The following MIGA2 variants were observed in gnomAD, a reference collection of about 807,000 sequenced individuals.
The protein encoded by MIGA2 is family with sequence similarity 73, member B.
A neutral mutation model predicts 69.9 loss-of-function variants in MIGA2; 36 were observed. That is an observed-to-expected ratio of 0.52 (90% CI 0.39 to 0.68). The LOEUF (loss-of-function observed/expected upper bound fraction) is 0.68, where lower values mean the gene tolerates loss of function less well. Ranked by LOEUF, MIGA2 falls within the 30% of genes least tolerant of loss-of-function variation. MIGA2 has a pLI of 0.00. For synonymous variants in MIGA2, 333 were observed against 349.2 expected (o/e 0.95, Z 0.52); for missense variants, 660 against 787.7 (o/e 0.84, Z 1.94).
In MIGA2 at chr9:129,069,144, G is replaced by T. The variant is rs1846525889; in HGVS notation, c.1458+15G>T. The T allele has an allele frequency of 6.2e-7, 1 of 1,613,628 alleles. No homozygotes were observed. The highest frequency in any genetic ancestry group is 1.3e-5 in the African/African-American group (1 of 74,918). ...GGCTGCTGATGGTGAGTGACTGGCA[G>T]GCCCGGGGGAGCACGAGCTGGGCTC... is the stretch of plus-strand genomic sequence containing the variant. On this transcript the variant is annotated intron_variant, in intron 14 of 15. Coordinates refer to ENST00000684074, the MANE Select transcript of MIGA2 (RefSeq NM_001329990.2). This position sits in a 1 kb window ranked among gnomAD's most constrained non-coding sequence, Gnocchi z 4.9.
Position 129,070,524 on chromosome 9 carries a change from G to C in MIGA2, c.*71G>C, listed in dbSNP as rs1846625088. ...TTCCCTGGGTTGGTATCTGACAGCT[G>C]TGGTGGCTGAGGGCCGTTGCCCCTG... On this transcript the variant is annotated 3_prime_UTR_variant, in exon 16 of 16. Coordinates refer to ENST00000684074, the MANE Select transcript of MIGA2 (RefSeq NM_001329990.2). 2.1e-6 allele frequency: 3 copies of C among 1,433,554 alleles called. No homozygotes were observed. The highest frequency in any genetic ancestry group is 5.0e-5 in the East Asian group (2 of 40,014). The allele number at this position is 1,433,554 out of a possible 1,614,324, so 88.8% of individuals were successfully genotyped here.
At chr9:129,041,560 C>G (rs1844907139) in intron 2 of MIGA2, among the ~76,000 whole-genome samples, 1 of 152,210 alleles carries the variant, frequency 6.6e-6, no homozygotes, top group Non-Finnish European at 1.5e-5. Flanking sequence ...GTCTTGAACT[C>G]TTGGGCTCAA....
At chr9:129,040,757 C>A in intron 2 of MIGA2, 67 bp downstream of exon 2, 1 of 1,435,762 alleles carries the variant, frequency 7.0e-7, no homozygotes, top group Non-Finnish European at 9.6e-7. Flanking sequence ...AGGGCTCCTC[C>A]GTGTCCAGGA....
intron 11 of MIGA2, among the ~76,000 whole-genome samples, chr9:129,066,763 T>C (rs1588415574): frequency 6.7e-6 from 1 of 149,074 alleles, no homozygotes; most frequent in South Asian, 2.1e-4. Flanking sequence ...TTCGAGACCA[T>C]CCTGGCTAAC....
rs1223900100 is a variant in MIGA2 at position 129,069,768 on chromosome 9, A to G, written c.1459-81A>G. 2 of 953,120 alleles carry G rather than the reference A, an allele frequency of 2.1e-6. No homozygotes were observed. Among genetic ancestry groups the G allele is most frequent in the Non-Finnish European group, 3.4e-6 (2 of 582,370 alleles). 59.0% of individuals were successfully genotyped at this position (953,120 alleles called of 1,614,324 possible). A position where few individuals can be genotyped will look rare whatever the true frequency, so the allele number is the denominator to read the frequency against. ...TGAGCTGGGGCGACCTCTAAAGCCC[A>G]GCCCTTTATGCGACACCTGGGCCTG... is the stretch of plus-strand genomic sequence containing the variant. On this transcript the variant is annotated intron_variant, in intron 14 of 15. Transcript: ENST00000684074. The surrounding 1 kb of genome is among the most constrained non-coding windows in gnomAD (Gnocchi z 4.9).
intron 3 of MIGA2, among the ~76,000 whole-genome samples, chr9:129,045,060 T>C (rs904027541): frequency 2.0e-5 from 3 of 147,072 alleles, no homozygotes; most frequent in Admixed American, 6.9e-5. Flanking sequence ...TAGTCGGGTG[T>C]GGTGGCAGGC....
In MIGA2 at chr9:129,063,233, C is replaced by T. The variant is rs745586856; in HGVS notation, c.1011-11C>T. 1 of 1,613,890 alleles carries T rather than the reference C, an allele frequency of 6.2e-7. No homozygotes were observed. Among genetic ancestry groups the T allele is most frequent in the East Asian group, 2.2e-5 (1 of 44,876 alleles). ...GACCAGGTTGTGTGACGCCGTCTGT[C>T]CTCCCCTCAGGACGGAGCTGCTGGG... is the stretch of plus-strand genomic sequence containing the variant. On this transcript the variant is annotated splice_polypyrimidine_tract_variant and intron_variant, in intron 9 of 15. Coordinates refer to ENST00000684074, the MANE Select transcript of MIGA2 (RefSeq NM_001329990.2).
chr9:129,058,803 A>G (rs970777152), intron 6 of MIGA2, among the ~76,000 whole-genome samples: 2 of 152,158 alleles, frequency 1.3e-5, no homozygotes, highest in Non-Finnish European at 2.9e-5. Context: ...TGGCAACCTA[A>G]GTCCACAGTT....
At chr9:129,046,954 T>C (rs1845258793) in intron 3 of MIGA2, among the ~76,000 whole-genome samples, 1 of 151,084 alleles carries the variant, frequency 6.6e-6, no homozygotes, top group Admixed American at 6.6e-5. Flanking sequence ...AATTTTTGTA[T>C]TTTTAGTAGT....
chr9:129,040,545 C>G lies in MIGA2; in HGVS notation c.-50C>G. ...GCTGGCAACCAGTTGAAGACGTTCT[C>G]CTTGGAAGCTCTTGGCCCTGAGGAC... On this transcript the variant is annotated 5_prime_UTR_variant, in exon 2 of 16. Coordinates refer to ENST00000684074, the MANE Select transcript of MIGA2 (RefSeq NM_001329990.2). The G allele has an allele frequency of 6.3e-7, 1 of 1,578,454 alleles. No homozygotes were observed. The highest frequency in any genetic ancestry group is 8.6e-7 in the Non-Finnish European group (1 of 1,157,400).
chr9:129,061,376 G>C lies in MIGA2; in HGVS notation c.1010+30G>C. On this transcript the variant is annotated intron_variant, in intron 9 of 15. Transcript: ENST00000684074. This position sits in a 1 kb window ranked among gnomAD's most constrained non-coding sequence, Gnocchi z 5.0. ...GCAGGTGTGGAGGGAGGGAGGGAGG[G>C]AGCAGGAGGCGATGGGTGATTCTGG... is the stretch of plus-strand genomic sequence containing the variant. 44 of 741,732 alleles carry C rather than the reference G, an allele frequency of 5.9e-5. No individual in the cohort carries two copies. The highest frequency in any genetic ancestry group is 9.7e-5 in the Non-Finnish European group (42 of 431,952). The allele number at this position is 741,732 out of a possible 1,614,324, so 45.9% of individuals were successfully genotyped here.
chr9:129,055,447 G>A lies in MIGA2; in HGVS notation c.676-3707G>A, dbSNP rs185011187. Reference sequence around the variant, plus strand: ...TACATATATTTTATGTATTTGTGACGTATCTTTTTCATAATTTTTTCAGTA... The same window carrying A: ...TACATATATTTTATGTATTTGTGACATATCTTTTTCATAATTTTTTCAGTA... On this transcript the variant is annotated intron_variant, in intron 6 of 15. Coordinates refer to ENST00000684074, the MANE Select transcript of MIGA2 (RefSeq NM_001329990.2). 1.2e-3 allele frequency among the ~76,000 whole-genome samples: 182 copies of A among 152,150 alleles called. 2 individuals are homozygous for A. The South Asian group carries it at 0.016, about 14-fold the overall frequency.
At chr9:129,054,629 G>T (rs1370190499) in intron 6 of MIGA2, among the ~76,000 whole-genome samples, 1 of 152,156 alleles carries the variant, frequency 6.6e-6, no homozygotes, top group South Asian at 2.1e-4. Context: ...GGCCTTTTGC[G>T]ACTGCCTCCT....
chr9:129,067,123 G>A lies in MIGA2; in HGVS notation c.1171-650G>A, dbSNP rs180805340. Among the ~76,000 whole-genome samples the A allele has an allele frequency of 3.9e-3, 545 of 139,974 alleles. 7 individuals are homozygous for A. The highest frequency in any genetic ancestry group is 0.013 in the African/African-American group (499 of 37,380). 91.8% of individuals were successfully genotyped at this position (139,974 alleles called of 152,430 possible). A position where few individuals can be genotyped will look rare whatever the true frequency, so the allele number is the denominator to read the frequency against. On this transcript the variant is annotated intron_variant, in intron 11 of 15. Coordinates refer to ENST00000684074, the MANE Select transcript of MIGA2 (RefSeq NM_001329990.2). The stretch of plus-strand genomic sequence containing the variant: ...TGCACTCCAGCCTAGGTGACAGAGC[G>A]AGACTCCATCTCAAAAAAAAAAAAA...
rs771340663 is a variant in MIGA2, at chr9:129,067,891, A to T, written c.1269+20A>T. On this transcript the variant is annotated intron_variant, in intron 12 of 15. Transcript: ENST00000684074. ...CGAGGGGTGAGTTGCTTTGTGCTGA[A>T]CCCCGACATCCCGGGCTCCCCTGCA... The T allele has an allele frequency of 6.2e-7, 1 of 1,603,688 alleles. No homozygotes were observed. The highest frequency in any genetic ancestry group is 8.5e-7 in the Non-Finnish European group (1 of 1,175,252).
At position 129,067,830 on chromosome 9, in the gene MIGA2, G is replaced by A. The variant is rs1214689770; in HGVS notation, c.1228G>A (p.Glu410Lys). The A allele has an allele frequency of 9.9e-6, 16 of 1,613,114 alleles. No homozygotes were observed. Among genetic ancestry groups the A allele is most frequent in the East Asian group, 8.9e-5 (4 of 44,886 alleles). ...EEMLSYALRP[E>K]TWATTRLELE... is the part of the protein sequence containing the mutation. ...GATGCTGAGCTATGCCCTGCGGCCCGAGACCTGGGCCACAACACGGCTGGA... is the reference window on the plus strand; with the variant it reads ...GATGCTGAGCTATGCCCTGCGGCCCAAGACCTGGGCCACAACACGGCTGGA... Residue 410 changes from glutamate (E) to lysine (K), a missense_variant, in exon 12 of 16, where the codon GAG becomes AAG. By Grantham distance (56) the Glu-to-Lys change is moderately conservative (BLOSUM62 1). Around this residue, in one of 3 missense-constraint regions of MIGA2, gnomAD observed 220 missense variants for 301.7 expected, o/e 0.73. Transcript: ENST00000684074.
rs957693262 is a variant in MIGA2 at position 129,060,603 on chromosome 9, G to A, written c.847G>A (p.Asp283Asn). Reference protein sequence around the residue: ...TEGSLRLRADDEDSLTSEDSF... With the variant: ...TEGSLRLRADNEDSLTSEDSF... Reference sequence around the variant, plus strand: ...GGGCTCGCTGCGGCTGCGGGCGGACGATGAGGACAGCCTGACTTCAGAGGA... The same window carrying A: ...GGGCTCGCTGCGGCTGCGGGCGGACAATGAGGACAGCCTGACTTCAGAGGA... The change falls in exon 8 of 16, where the codon GAT becomes AAT. Residue 283 changes from aspartate (D) to asparagine (N), a missense_variant. Around this residue, in one of 3 missense-constraint regions of MIGA2, gnomAD observed 386 missense variants for 402.0 expected, o/e 0.96. Coordinates refer to ENST00000684074, the MANE Select transcript of MIGA2 (RefSeq NM_001329990.2). The surrounding 1 kb of genome is among the most constrained non-coding windows in gnomAD (Gnocchi z 4.8). 3.7e-6 allele frequency: 6 copies of A among 1,605,736 alleles called. No homozygotes were observed. Among genetic ancestry groups the A allele is most frequent in the African/African-American group, 1.3e-5 (1 of 74,930 alleles).
chr9:129,061,256 A>T lies in MIGA2; in HGVS notation c.920A>T (p.Asp307Val), dbSNP rs1564615727. Reference protein sequence around the residue: ...TELFESLQTGDYPIPLSRPAA... With the variant: ...TELFESLQTGVYPIPLSRPAA... Reference sequence around the variant, plus strand: ...CTCTTTGAGTCCCTGCAGACTGGAGATTACCCGATCCCACTCTCCAGACCC... The same window carrying T: ...CTCTTTGAGTCCCTGCAGACTGGAGTTTACCCGATCCCACTCTCCAGACCC... The change falls in exon 9 of 16, where the codon GAT (aspartate) becomes GTT (valine). Residue 307 changes from aspartate (D) to valine (V), a missense_variant. Asp to Val is a radical substitution (Grantham distance 152). Coordinates refer to ENST00000684074, the MANE Select transcript of MIGA2 (RefSeq NM_001329990.2). The surrounding 1 kb of genome is among the most constrained non-coding windows in gnomAD (Gnocchi z 5.0). 6.2e-7 allele frequency: 1 copy of T among 1,609,106 alleles called. No homozygotes were observed. The highest frequency in any genetic ancestry group is 8.5e-7 in the Non-Finnish European group (1 of 1,177,774).
In MIGA2 at chr9:129,069,017, C is replaced by A. The variant is rs559770010; in HGVS notation, c.1405-59C>A. On this transcript the variant is annotated intron_variant, in intron 13 of 15. Transcript: ENST00000684074. The surrounding 1 kb of genome is among the most constrained non-coding windows in gnomAD (Gnocchi z 4.9). ...GGCTTGGTGCTGGGCTGGCAGAGGG[C>A]GAGGGGCTGTGGGCTAGGCCCATTT... is the stretch of plus-strand genomic sequence containing the variant. 10 of 1,599,250 alleles carry A rather than the reference C, an allele frequency of 6.3e-6. No individual in the cohort carries two copies. In the East Asian group the frequency reaches 2.2e-4, roughly 36 times the overall value.
Sources: allele counts gnomAD v4.1 joint callset (sites outside exome capture counted in the v4.1 genomes callset), GRCh38; gene constraint gnomAD v4.1.1; regional missense constraint gnomAD v4.1.1; non-coding constraint Gnocchi (gnomAD v3.1); transcripts MANE v1.5; gene names NCBI Gene and HGNC (gene_info 2026-07-23, HGNC 2026-07-21).